Variants in DUOX1 observed in about 807,000 individuals in gnomAD.
DUOX1 encodes NADPH thyroid oxidase 1.
A neutral mutation model predicts 181.8 loss-of-function variants in DUOX1; 134 were observed. That is an observed-to-expected ratio of 0.74 (90% CI 0.64 to 0.85). DUOX1 has a LOEUF of 0.85. Among genes scored for constraint, DUOX1 ranks in the 40% least tolerant of loss-of-function variants. The pLI, the probability that DUOX1 is intolerant of heterozygous loss-of-function variation, is 0.00. For synonymous variants in DUOX1, 798 were observed against 832.5 expected (o/e 0.96, Z 0.71); for missense variants, 1,814 against 2,064.4 (o/e 0.88, Z 2.35).
chr15:45,139,645 C>T, intron 12 of DUOX1, 46 bp downstream of exon 12: 1 of 1,504,910 alleles, frequency 6.6e-7, no homozygotes. Context: ...AGGGACAAGG[C>T]ACGTGGGCCT....
chr15:45,136,449 T>C, intron 8 of DUOX1, 39 bp downstream of exon 8: 3 of 1,613,948 alleles, frequency 1.9e-6, no homozygotes, highest in Non-Finnish European at 2.5e-6. Context: ...GGCTTGCGTG[T>C]GTCTTGCGGG....
intron 15 of DUOX1, among the ~76,000 whole-genome samples, chr15:45,142,789 G>GGAACGAAGGA (rs1480496555): frequency 7.2e-6 from 1 of 139,762 alleles, no homozygotes; most frequent in Admixed American, 7.4e-5. Flanking sequence ...GGAAGGAAGG[G>GGAACGAAGGA]AGGGAGGAAG....
intron 22 of DUOX1, 64 bp from the exon 23 acceptor site, chr15:45,151,059 A>G: frequency 1.3e-6 from 2 of 1,597,302 alleles, no homozygotes; most frequent in Non-Finnish European, 1.7e-6. Flanking sequence ...GAGGCAGACC[A>G]GGATAGCAGA....
chr15:45,160,595 AG>A (rs2141305929), intron 28 of DUOX1, among the ~76,000 whole-genome samples: 1 of 105,456 alleles, frequency 9.5e-6, no homozygotes, highest in African/African-American at 4.0e-5. Context: ...TCCAGGTGAC[AG>A]GTGACATCAC....
Position 45,136,615 on chromosome 15 carries a change from G to T in DUOX1, c.1012G>T (p.Val338Phe). 6.2e-7 allele frequency: 1 copy of T among 1,614,068 alleles called. No individual in the cohort carries two copies. Among genetic ancestry groups the T allele is most frequent in the Non-Finnish European group, 8.5e-7 (1 of 1,180,022 alleles). Residue 338 changes from valine to phenylalanine, a missense_variant, in exon 9 of 34, where the codon GTC (valine) becomes TTC (phenylalanine). This residue lies in a region of DUOX1 where 1,064 missense variants were observed against 1,152.9 expected (regional missense o/e 0.92). Transcript: ENST00000389037. ...CCTGTCCACCATGGTGCCCCCTGGC[G>T]TCTACATGAGGTGAGGGAGGGGCTC... ...QFLSTMVPPG[V>F]YMRNASCHFQ...
At position 45,151,213 on chromosome 15, in the gene DUOX1, C is replaced by A; in HGVS notation, c.2979C>A (p.Asp993Glu). 3.1e-6 allele frequency: 5 copies of A among 1,614,170 alleles called. No individual in the cohort carries two copies. Among genetic ancestry groups the A allele is most frequent in the Non-Finnish European group, 4.2e-6 (5 of 1,180,030 alleles). ...PQRLQCPMDT[D>E]PPQEIRRRFG... ...GACTGCAGTGCCCCATGGACACAGA[C>A]CCTCCCCAGGAGATTCGGCGGAGGT... Residue 993 changes from aspartate to glutamate, a missense_variant, in exon 23 of 34, where the codon GAC becomes GAA. This residue lies in a region of DUOX1 where 1,064 missense variants were observed against 1,152.9 expected (regional missense o/e 0.92). Coordinates refer to ENST00000389037, the MANE Select transcript of DUOX1 (RefSeq NM_175940.3).
Position 45,148,064 on chromosome 15 carries a change from T to G in DUOX1, c.2642+67T>G, listed in dbSNP as rs186294422. On this transcript the variant is annotated intron_variant, in intron 20 of 33. Transcript: ENST00000389037. Reference sequence around the variant, plus strand: ...GATGCCAGGGCAAATAGATGGGACCTGAAGGAGAGAGCAGAAGGGCCAAGG... The same window carrying G: ...GATGCCAGGGCAAATAGATGGGACCGGAAGGAGAGAGCAGAAGGGCCAAGG... The G allele has an allele frequency of 4.3e-5, 64 of 1,478,012 alleles. 1 individual carries two copies. In the East Asian group the frequency reaches 1.2e-3, roughly 27 times the overall value. The allele number at this position is 1,478,012 out of a possible 1,614,324, so 91.6% of individuals were successfully genotyped here.
intron 1 of DUOX1, among the ~76,000 whole-genome samples, chr15:45,130,976 C>T (rs186040938): frequency 1.3e-5 from 2 of 152,322 alleles, no homozygotes; most frequent in East Asian, 1.9e-4. Context: ...GCAGGTGATA[C>T]TGAGCTTTCC....
chr15:45,138,120 A>T (rs1896383834), intron 10 of DUOX1, 106 bp downstream of exon 10: 5 of 799,930 alleles, frequency 6.3e-6, no homozygotes, highest in Non-Finnish European at 8.8e-6. Context: ...GCATGGTGAA[A>T]GTGGTCAGTA....
At chr15:45,151,546 T>A (rs1480878546) in intron 23 of DUOX1, among the ~76,000 whole-genome samples, 1 of 152,020 alleles carries the variant, frequency 6.6e-6, no homozygotes, top group East Asian at 1.9e-4. Flanking sequence ...GAGTCTCTAG[T>A]AAAGGCTGAA....
intron 28 of DUOX1, 120 bp downstream of exon 28, chr15:45,156,049 C>A: frequency 7.4e-7 from 1 of 1,350,692 alleles, no homozygotes; most frequent in South Asian, 1.3e-5. Flanking sequence ...CTTCACTTCT[C>A]GACGTCCCTC....
intron 12 of DUOX1, 88 bp from the exon 13 acceptor site, chr15:45,140,807 T>A: frequency 7.7e-7 from 1 of 1,305,600 alleles, no homozygotes; most frequent in Non-Finnish European, 1.1e-6. Flanking sequence ...ATTATTATCA[T>A]CCCTGGGGCT....
rs1896710821 is a variant in DUOX1, at chr15:45,148,324, G to A, written c.2695G>A (p.Val899Met). ...CCTGTCCAAGGCCCAGCTGGCTGAG[G>A]TGGTGGAGTCCATGTTCCGGGAGTC... ...NCLSKAQLAEVVESMFRESGF... is the reference protein window; with the variant it reads ...NCLSKAQLAEMVESMFRESGF... Residue 899 changes from valine to methionine, a missense_variant, in exon 21 of 34, where the codon GTG (valine) becomes ATG (methionine). Val to Met is a conservative substitution (Grantham distance 21, BLOSUM62 1). Coordinates refer to ENST00000389037, the MANE Select transcript of DUOX1 (RefSeq NM_175940.3). 6.2e-7 allele frequency: 1 copy of A among 1,614,254 alleles called. No individual in the cohort carries two copies. The highest frequency in any genetic ancestry group is 2.2e-5 in the East Asian group (1 of 44,886).
In DUOX1 at chr15:45,145,056, CT is replaced by C; in HGVS notation, c.2303del (p.Phe768SerfsTer31). 1.9e-6 allele frequency: 3 copies of C among 1,608,116 alleles called. No individual in the cohort carries two copies. The highest frequency in any genetic ancestry group is 2.5e-6 in the Non-Finnish European group (3 of 1,177,594). On this transcript the variant is annotated frameshift_variant, in exon 18 of 34. Coordinates refer to ENST00000389037, the MANE Select transcript of DUOX1 (RefSeq NM_175940.3). LOFTEE classifies it high-confidence loss of function. The stretch of plus-strand genomic sequence containing the variant: ...AGCAGCGGAGGCACCTCCTGGAGAC[CT>C]TTTTCAGGCACCTTTTCTCCCAGGT... ...REQRRHLLET[F>X]FRHLFSQVLD...
chr15:45,163,723 C>T, intron 32 of DUOX1, 36 bp downstream of exon 32: 1 of 1,613,828 alleles, frequency 6.2e-7, no homozygotes, highest in Non-Finnish European at 8.5e-7. Flanking sequence ...ATGCGGGCCA[C>T]TGTCTGAGCT....
chr15:45,140,470 T>A (rs1896460969), intron 12 of DUOX1: 1 of 175,400 alleles, frequency 5.7e-6, no homozygotes, highest in Non-Finnish European at 1.2e-5. Flanking sequence ...ATGCTGGTGA[T>A]ATGTTTTTGA....
chr15:45,152,105 C>A, intron 24 of DUOX1, 53 bp downstream of exon 24: 3 of 1,588,994 alleles, frequency 1.9e-6, no homozygotes, highest in Non-Finnish European at 2.6e-6. Flanking sequence ...AATGAGTGAT[C>A]GCCCTGGGGG....
intron 12 of DUOX1, chr15:45,140,576 A>T: frequency 4.0e-6 from 1 of 251,214 alleles, no homozygotes; most frequent in East Asian, 7.8e-5. Flanking sequence ...TCATTCTGCC[A>T]TTCAACTTTT....
Position 45,161,889 on chromosome 15 carries a change from C to G in DUOX1, c.4008C>G (p.Ile1336Met). The part of the protein sequence containing the change: ...APHEDTLSLH[I>M]RAAGPWTTRL... ...ATGAGGACACGCTTAGCCTGCACAT[C>G]CGGGCAGCAGGGCCCTGGACCACTC... is the stretch of plus-strand genomic sequence containing the variant. Residue 1336 changes from isoleucine to methionine, a missense_variant, in exon 30 of 34, where the codon ATC becomes ATG. This residue lies in a region of DUOX1 where 279 missense variants were observed against 381.9 expected (regional missense o/e 0.73). Coordinates refer to ENST00000389037, the MANE Select transcript of DUOX1 (RefSeq NM_175940.3). The G allele has an allele frequency of 6.2e-7, 1 of 1,614,026 alleles. No individual in the cohort carries two copies. Among genetic ancestry groups the G allele is most frequent in the Non-Finnish European group, 8.5e-7 (1 of 1,180,000 alleles).
Sources: allele counts gnomAD v4.1 joint callset (sites outside exome capture counted in the v4.1 genomes callset), GRCh38; gene constraint gnomAD v4.1.1; regional missense constraint gnomAD v4.1.1; transcripts MANE v1.5; gene names NCBI Gene and HGNC (gene_info 2026-07-23, HGNC 2026-07-21).